ASH1L: variants seen among roughly 807,000 people sequenced by gnomAD.
ASH1L encodes the protein histone-lysine N-methyltransferase ASH1L.
ASH1L carries 23 observed loss-of-function variants against 269.0 expected under a neutral mutation model. That is an observed-to-expected ratio of 0.09 (90% CI 0.06 to 0.12). The LOEUF (loss-of-function observed/expected upper bound fraction) is 0.12, where lower values mean the gene tolerates loss of function less well. ASH1L is among the 10% of genes least tolerant of loss of function. ASH1L has a pLI of 1.00. For synonymous variants in ASH1L, 1,187 were observed against 1,253.5 expected (o/e 0.95, Z 1.12); for missense variants, 2,912 against 3,567.8 (o/e 0.82, Z 4.68).
intron 3 of ASH1L, among the ~76,000 whole-genome samples, chr1:155,466,803 T>C (rs1256917272): frequency 6.6e-6 from 1 of 152,190 alleles, no homozygotes; most frequent in Non-Finnish European, 1.5e-5. Context: ...CTGAACTTAT[T>C]CCTTCTAACT....
intron 5 of ASH1L, among the ~76,000 whole-genome samples, chr1:155,421,228 CT>C (rs1660647140): frequency 1.1e-5 from 1 of 89,596 alleles, no homozygotes. Context: ...GATTCTGTGT[CT>C]TAAAAAAAAA....
At chr1:155,505,611 G>C (rs1448042530) in intron 2 of ASH1L, among the ~76,000 whole-genome samples, 1 of 152,120 alleles carries the variant, frequency 6.6e-6, no homozygotes, top group Non-Finnish European at 1.5e-5. Flanking sequence ...TGTTTATTAA[G>C]ATGACAATGT....
chr1:155,478,606 G>A lies in ASH1L; in HGVS notation c.4264C>T (p.Pro1422Ser), dbSNP rs1665735919. 2 of 1,614,062 alleles carry A rather than the reference G, an allele frequency of 1.2e-6. No individual in the cohort carries two copies. The highest frequency in any genetic ancestry group is 1.7e-6 in the Non-Finnish European group (2 of 1,180,012). ...CCAGCATGCATATAGGAAGGAGGTG[G>A]AAGTGGCGTGGTGAAAGAAGGAGAT... is the stretch of plus-strand genomic sequence containing the variant. ...PPSPSFTTPL[P>S]PPSYMHAGHL... Residue 1422 changes from proline (P) to serine (S), a missense_variant, in exon 3 of 28, where the codon CCA becomes TCA. Physicochemically the swap from Pro to Ser is moderately conservative, Grantham distance 74 (BLOSUM62 -1). This residue lies in a region of ASH1L where 789 missense variants were observed against 897.6 expected (regional missense o/e 0.88). Coordinates refer to ENST00000392403, the MANE Select transcript of ASH1L (RefSeq NM_018489.3). This position sits in a 1 kb window ranked among gnomAD's most constrained non-coding sequence, Gnocchi z 4.6.
At chr1:155,448,585 TCC>T (rs1663210017) in intron 4 of ASH1L, among the ~76,000 whole-genome samples, 2 of 152,098 alleles carry the variant, frequency 1.3e-5, no homozygotes, top group African/African-American at 4.8e-5. Context: ...AACCTCTGCC[TCC>T]CAGTTCAAGC....
In ASH1L at chr1:155,395,725, G is replaced by A. The variant is rs914522065; in HGVS notation, c.6009-172C>T. Among the ~76,000 whole-genome samples, 6 of 152,038 alleles carry A rather than the reference G, an allele frequency of 3.9e-5. No individual in the cohort carries two copies. The East Asian group carries it at 5.8e-4, about 15-fold the overall frequency. ...TTAAGAAAGAGGCTCCTGGCTGGGC[G>A]TGGGGGTTCACGCCTGTAATCCCAA... On this transcript the variant is annotated intron_variant, in intron 6 of 27. Transcript: ENST00000392403.
At chr1:155,468,180 A>G in intron 3 of ASH1L, among the ~76,000 whole-genome samples, 1 of 150,772 alleles carries the variant, frequency 6.6e-6, no homozygotes, top group South Asian at 2.1e-4. Context: ...GGTCCTTGAT[A>G]CTTTTTAGTA....
At chr1:155,539,552 G>A (rs1458578165) in intron 1 of ASH1L, among the ~76,000 whole-genome samples, 2 of 151,992 alleles carry the variant, frequency 1.3e-5, no homozygotes, top group East Asian at 3.9e-4. Flanking sequence ...AACCTCCTGG[G>A]CCCAAGCAGC....
chr1:155,348,909 T>TACACACAC (rs1460484165), intron 19 of ASH1L, among the ~76,000 whole-genome samples: 3 of 138,496 alleles, frequency 2.2e-5, no homozygotes, highest in African/African-American at 8.5e-5. Context: ...AATATATATA[T>TACACACAC]ATACACACAC....
At chr1:155,420,088 C>T (rs1041227366) in intron 5 of ASH1L, among the ~76,000 whole-genome samples, 1 of 152,050 alleles carries the variant, frequency 6.6e-6, no homozygotes, top group Non-Finnish European at 1.5e-5. Flanking sequence ...GAGGATGAGG[C>T]GGGCGGACCA....
chr1:155,481,769 C>T lies in ASH1L; in HGVS notation c.1101G>A (p.Leu367=), dbSNP rs41313892. 4.8e-5 allele frequency: 78 copies of T among 1,614,176 alleles called. No homozygotes were observed. Among genetic ancestry groups the T allele is most frequent in the Non-Finnish European group, 5.9e-5 (70 of 1,180,022 alleles). The change falls in exon 3 of 28, where the codon CTG becomes CTA. Residue 367 remains leucine (L), a synonymous_variant. Transcript: ENST00000392403. ...ATTTCTTTCCCAAATCTTTATTAAC[C>T]AGTCCAACCACAGTGCCAAGTCCTA... The part of the protein sequence containing the change: ...KKLGLGTVVG[L]VNKDLGKKLG...
chr1:155,344,320 T>TC, intron 21 of ASH1L, 47 bp from the exon 22 acceptor site: 5 of 1,363,326 alleles, frequency 3.7e-6, no homozygotes, highest in Non-Finnish European at 5.2e-6. Flanking sequence ...ATTACTACAT[T>TC]CAGCCTACTT....
chr1:155,403,355 G>A (rs1215701750), intron 6 of ASH1L, among the ~76,000 whole-genome samples: 1 of 152,138 alleles, frequency 6.6e-6, no homozygotes, highest in Admixed American at 6.5e-5. Flanking sequence ...AGATATGTCA[G>A]TACTGTAGAA....
chr1:155,482,564 T>A (rs899325080), intron 2 of ASH1L, 115 bp from the exon 3 acceptor site: 3 of 1,164,872 alleles, frequency 2.6e-6, no homozygotes, highest in Non-Finnish European at 3.6e-6. Context: ...TAGGCAACAG[T>A]GGTTTTTAAA....
intron 2 of ASH1L, among the ~76,000 whole-genome samples, chr1:155,485,840 A>G (rs1006676112): frequency 2.0e-5 from 3 of 152,146 alleles, no homozygotes; most frequent in African/African-American, 7.2e-5. Context: ...GTTTCCAAAT[A>G]TTAGACAAGA....
chr1:155,371,107 C>A, intron 10 of ASH1L, 124 bp from the exon 11 acceptor site: 1 of 776,980 alleles, frequency 1.3e-6, no homozygotes, highest in South Asian at 1.9e-5. Context: ...ATAAAAGTAC[C>A]CGAATCACTA....
chr1:155,531,774 T>A (rs1321502030), intron 1 of ASH1L, among the ~76,000 whole-genome samples: 1 of 152,286 alleles, frequency 6.6e-6, no homozygotes, highest in Admixed American at 6.5e-5. Context: ...AAAATCATGA[T>A]TGGCAAACCC....
At chr1:155,536,953 G>C (rs1389671547) in intron 1 of ASH1L, among the ~76,000 whole-genome samples, 1 of 151,580 alleles carries the variant, frequency 6.6e-6, no homozygotes, top group East Asian at 1.9e-4. Flanking sequence ...GCTGAGACAG[G>C]AGAATGGTGT....
chr1:155,373,433 G>A (rs114241023), intron 10 of ASH1L, among the ~76,000 whole-genome samples: 3,117 of 151,422 alleles, frequency 0.021, 102 homozygotes, highest in African/African-American at 0.072. Flanking sequence ...GAACACAGGC[G>A]CGCACCACCG....
Position 155,343,665 on chromosome 1 carries a change from A to G in ASH1L, c.8059T>C (p.Ser2687Pro). The G allele has an allele frequency of 3.7e-6, 6 of 1,614,206 alleles. No individual in the cohort carries two copies. Among genetic ancestry groups the G allele is most frequent in the South Asian group, 1.1e-5 (1 of 91,088 alleles). The change falls in exon 23 of 28, where the codon TCT becomes CCT. Residue 2687 changes from serine (S) to proline (P), a missense_variant. Transcript: ENST00000392403. This position sits in a 1 kb window ranked among gnomAD's most constrained non-coding sequence, Gnocchi z 6.1. ...HPVRQSYRLL[S>P]HINRDKLDIF... ...TCAAGTTTATCTCGGTTAATGTGAG[A>G]TAACAGTCGATAGGACTGACGGACC...
Sources: allele counts gnomAD v4.1 joint callset (sites outside exome capture counted in the v4.1 genomes callset), GRCh38; gene constraint gnomAD v4.1.1; regional missense constraint gnomAD v4.1.1; non-coding constraint Gnocchi (gnomAD v3.1); transcripts MANE v1.5; gene names NCBI Gene and HGNC (gene_info 2026-07-23, HGNC 2026-07-21).